The following MUC6 variants were observed in gnomAD, a reference collection of about 807,000 sequenced individuals.
MUC6 encodes mucin 6, oligomeric mucus/gel-forming (gene/pseudogene).
In MUC6, 188 loss-of-function variants were observed where a neutral mutation model predicts 201.5. The observed-to-expected ratio is 0.93, with a 90% CI of 0.83 to 1.05. The LOEUF (loss-of-function observed/expected upper bound fraction) is 1.05, where lower values mean the gene tolerates loss of function less well. MUC6 is among the 50% of genes least tolerant of loss of function. MUC6 has a pLI of 0.00. For missense variants in MUC6, 2,706 were observed against 3,256.9 expected, an observed-to-expected ratio of 0.83 and a Z score of 4.12; for synonymous variants, 1,228 against 1,389.4, an observed-to-expected ratio of 0.88 and a Z score of 2.58.
chr11:1,013,224 C>T lies in MUC6; in HGVS notation c.*232G>A, dbSNP rs574597018. The T allele has an allele frequency of 1.9e-5, 11 of 564,846 alleles. No individual in the cohort carries two copies. The highest frequency in any genetic ancestry group is 9.6e-5 in the African/African-American group (5 of 52,076). 35.0% of individuals were successfully genotyped at this position (564,846 alleles called of 1,614,324 possible). ...GCCTGGGAGGTCCGTGACCACTGTC[C>T]GCCTCAGTCCCTCTCTGCTGGCTCA... On this transcript the variant is annotated 3_prime_UTR_variant, in exon 33 of 33. Transcript: ENST00000421673.
Position 1,031,927 on chromosome 11 carries a change from G to A in MUC6, c.242C>T (p.Thr81Ile), listed in dbSNP as rs375337223. 15 of 1,613,338 alleles carry A rather than the reference G, an allele frequency of 9.3e-6. No individual in the cohort carries two copies. The highest frequency in any genetic ancestry group is 5.3e-5 in the African/African-American group (4 of 74,926). ...FAATCKDAFP[T>I]FSVQLRRGPD... is the part of the protein sequence containing the mutation. Reference sequence around the variant, plus strand: ...GCCTCGCCGCAGCTGGACACTGAAGGTGGGGAAGGCGTCCTTGCAGGTGGC... The same window carrying A: ...GCCTCGCCGCAGCTGGACACTGAAGATGGGGAAGGCGTCCTTGCAGGTGGC... Residue 81 changes from threonine to isoleucine, a missense_variant, in exon 3 of 33, where the codon ACC becomes ATC. Thr to Ile is a moderately conservative substitution (Grantham distance 89). Around this residue, in one of 10 missense-constraint regions of MUC6, gnomAD observed 1,850 missense variants for 1,958.3 expected, o/e 0.94. Transcript: ENST00000421673.
chr11:1,026,670 G>A (rs1856967430), intron 19 of MUC6, among the ~76,000 whole-genome samples, 192 bp from the exon 20 acceptor site: 1 of 152,258 alleles, frequency 6.6e-6, no homozygotes. Flanking sequence ...AAGGTCCTGG[G>A]ACCCAGTGCA....
At chr11:1,031,332 C>T (rs1857099177) in intron 4 of MUC6, 73 bp from the exon 5 acceptor site, 1 of 1,408,256 alleles carries the variant, frequency 7.1e-7, no homozygotes, top group Admixed American at 2.4e-5. Flanking sequence ...CTCTCAGTTC[C>T]TGCTCCTGGA....
chr11:1,028,132 A>T, intron 14 of MUC6, 73 bp from the exon 15 acceptor site: 1 of 1,532,722 alleles, frequency 6.5e-7, no homozygotes, highest in South Asian at 1.2e-5. Flanking sequence ...GGGACCCCCC[A>T]CCCTGGCAGC....
chr11:1,035,049 C>T (rs1000303603), intron 1 of MUC6, among the ~76,000 whole-genome samples: 4 of 152,348 alleles, frequency 2.6e-5, no homozygotes, highest in East Asian at 1.9e-4. Context: ...TGGACGAGCA[C>T]GAGGCGGCAG....
chr11:1,023,690 G>A, intron 25 of MUC6, 38 bp from the exon 26 acceptor site: 2 of 1,604,392 alleles, frequency 1.2e-6, no homozygotes, highest in Non-Finnish European at 1.7e-6. Context: ...GGGGTTCCTG[G>A]CCCTGGCCCT....
intron 26 of MUC6, 61 bp downstream of exon 26, chr11:1,023,448 G>A (rs1050269644): frequency 1.3e-6 from 2 of 1,521,646 alleles, no homozygotes; most frequent in Middle Eastern, 1.7e-4. Context: ...ATGAATGAAT[G>A]TGCATGAATG....
At chr11:1,028,548 G>T in intron 13 of MUC6, 98 bp downstream of exon 13, 1 of 1,544,946 alleles carries the variant, frequency 6.5e-7, no homozygotes, top group South Asian at 1.2e-5. Flanking sequence ...GGACACAGAG[G>T]GTTGTGTGAA....
In MUC6 at chr11:1,018,156, G is replaced by A. The variant is rs199833698; in HGVS notation, c.4645C>T (p.Pro1549Ser). Residue 1549 changes from proline (P) to serine (S), a missense_variant, in exon 31 of 33, where the codon CCC becomes TCC. Pro to Ser is a moderately conservative substitution (Grantham distance 74). Around this residue, in one of 10 missense-constraint regions of MUC6, gnomAD observed 128 missense variants for 206.5 expected, o/e 0.62. Transcript: ENST00000421673. The stretch of plus-strand genomic sequence containing the variant: ...GGGGTTCTGGTGCGTGTACTAGTGG[G>A]GTTGGGAGTAATCGTGGTAGTAGAA... ...PTSTTTITPN[P>S]TSTRTRTPVA... 6.0e-3 allele frequency: 9,068 copies of A among 1,521,914 alleles called. 74 individuals are homozygous for A. The African/African-American group carries it at 0.13, about 22-fold the overall frequency. The allele number at this position is 1,521,914 out of a possible 1,614,324, so 94.3% of individuals were successfully genotyped here. A position where few individuals can be genotyped will look rare whatever the true frequency, so the allele number is the denominator to read the frequency against.
In MUC6 at chr11:1,030,711, G is replaced by T; in HGVS notation, c.754C>A (p.Leu252Ile). ...ECSVSKEPFV[L>I]SCQADVAAAP... ...GCGGCCACGTCCGCCTGGCAGCTTA[G>T]CACGAAGGGCTCCTTGGACACGCTG... Residue 252 changes from leucine (L) to isoleucine (I), a missense_variant, in exon 7 of 33, where the codon CTA becomes ATA. Leu to Ile is a conservative substitution (Grantham distance 5, BLOSUM62 2). Around this residue, in one of 10 missense-constraint regions of MUC6, gnomAD observed 1,850 missense variants for 1,958.3 expected, o/e 0.94. Coordinates refer to ENST00000421673, the MANE Select transcript of MUC6 (RefSeq NM_005961.3). 1 of 1,546,792 alleles carries T rather than the reference G, an allele frequency of 6.5e-7. No homozygotes were observed.
At position 1,020,260 on chromosome 11, in the gene MUC6, G is replaced by C; in HGVS notation, c.3641-3C>G. Reference sequence around the variant, plus strand: ...CCAGACTTGCGTGGGCCGTGAGCCTGGGTGGGCGGACATGCCATCAGGGCT... The same window carrying C: ...CCAGACTTGCGTGGGCCGTGAGCCTCGGTGGGCGGACATGCCATCAGGGCT... On this transcript the variant is annotated splice_polypyrimidine_tract_variant and splice_region_variant and intron_variant, in intron 28 of 32. Coordinates refer to ENST00000421673, the MANE Select transcript of MUC6 (RefSeq NM_005961.3). 6.3e-7 allele frequency: 1 copy of C among 1,599,674 alleles called. No homozygotes were observed. The highest frequency in any genetic ancestry group is 8.5e-7 in the Non-Finnish European group (1 of 1,173,858).
At chr11:1,022,848 AAT>A (rs959863509) in intron 26 of MUC6, among the ~76,000 whole-genome samples, 281 of 152,296 alleles carry the variant, frequency 1.8e-3, no homozygotes, top group African/African-American at 6.5e-3. Flanking sequence ...TGAATGAATG[AAT>A]ATGTGTGAAT....
intron 1 of MUC6, among the ~76,000 whole-genome samples, chr11:1,035,109 C>G (rs973184494): frequency 5.3e-5 from 8 of 152,264 alleles, no homozygotes; most frequent in Non-Finnish European, 1.5e-5. Context: ...CCCTGCCTCC[C>G]GGCCCACCGC....
chr11:1,020,017 A>G lies in MUC6; in HGVS notation c.3808+73T>C, dbSNP rs766813983. ...TGAGCCAGGAAGCAGGGCCATCCCTAAGCCCACCCCAGAGGTGTACCTAGG... is the reference window on the plus strand; with the variant it reads ...TGAGCCAGGAAGCAGGGCCATCCCTGAGCCCACCCCAGAGGTGTACCTAGG... On this transcript the variant is annotated intron_variant, in intron 29 of 32. Coordinates refer to ENST00000421673, the MANE Select transcript of MUC6 (RefSeq NM_005961.3). 4 of 1,535,226 alleles carry G rather than the reference A, an allele frequency of 2.6e-6. No individual in the cohort carries two copies. In the Admixed American group the frequency reaches 5.7e-5, roughly 22 times the overall value.
rs372398371 is a variant in MUC6, at chr11:1,027,137, G to A, written c.2284+4C>T. 6.0e-4 allele frequency: 970 copies of A among 1,612,462 alleles called. 10 individuals carry two copies. Among genetic ancestry groups the A allele is most frequent in the Middle Eastern group, 3.5e-3 (21 of 6,056 alleles). On this transcript the variant is annotated splice_donor_region_variant and intron_variant, in intron 18 of 32. Coordinates refer to ENST00000421673, the MANE Select transcript of MUC6 (RefSeq NM_005961.3). ...CAGCCTGCGGCCAGCGCTGCTGTAC[G>A]TACCCAGGAACATCTGTGGCCGCTG...
rs944414409 is a variant in MUC6 at position 1,013,322 on chromosome 11, G to A, written c.*134C>T. 16 of 952,284 alleles carry A rather than the reference G, an allele frequency of 1.7e-5. No individual in the cohort carries two copies. The highest frequency in any genetic ancestry group is 3.0e-5 in the Admixed American group (1 of 33,574). The allele number at this position is 952,284 out of a possible 1,614,324, so 59.0% of individuals were successfully genotyped here. ...TCCAACCGGTGCCCCAGGGAGCCAC[G>A]GCCCAGGGCACTTGGGGGCCAGGCC... On this transcript the variant is annotated 3_prime_UTR_variant, in exon 33 of 33. Transcript: ENST00000421673.
rs375360551 is a variant in MUC6 at position 1,015,928 on chromosome 11, C to T, written c.6873G>A (p.Gly2291=). The T allele has an allele frequency of 1.6e-5, 25 of 1,600,154 alleles. No individual in the cohort carries two copies. The African/African-American group carries it at 2.5e-4, about 16-fold the overall frequency. ...CTGGAGAGGTGGGGATACCCGTCAC[C>T]CCCGAGGTGAGTGACACAAAGCCTG... The part of the protein sequence containing the change: ...PTSGFVSLTS[G]VTGIPTSPVT... Residue 2291 remains glycine, a synonymous_variant, in exon 31 of 33, where the codon GGG becomes GGA. Coordinates refer to ENST00000421673, the MANE Select transcript of MUC6 (RefSeq NM_005961.3).
At chr11:1,014,783 G>C (rs1856563635) in intron 31 of MUC6, among the ~76,000 whole-genome samples, 1 of 152,200 alleles carries the variant, frequency 6.6e-6, no homozygotes, top group Admixed American at 6.5e-5. Context: ...GCCCGCTGCA[G>C]AGGGCTTTCT....
At position 1,030,697 on chromosome 11, in the gene MUC6, C is replaced by T. The variant is rs374609295; in HGVS notation, c.768G>A (p.Ala256=). ...SKEPFVLSCQ[A]DVAAAPQPGP... is the part of the protein sequence containing the mutation. ...CTGGCTGGGGGGCTGCGGCCACGTC[C>T]GCCTGGCAGCTTAGCACGAAGGGCT... The change falls in exon 7 of 33, where the codon GCG becomes GCA. Residue 256 remains alanine, a synonymous_variant. Transcript: ENST00000421673. 37 of 1,548,238 alleles carry T rather than the reference C, an allele frequency of 2.4e-5. No individual in the cohort carries two copies. The highest frequency in any genetic ancestry group is 6.8e-5 in the African/African-American group (5 of 73,222).
Sources: allele counts gnomAD v4.1 joint callset (sites outside exome capture counted in the v4.1 genomes callset), GRCh38; gene constraint gnomAD v4.1.1; regional missense constraint gnomAD v4.1.1; transcripts MANE v1.5; gene names NCBI Gene and HGNC (gene_info 2026-07-23, HGNC 2026-07-21).